The following SAMD12 variants were observed in gnomAD, a reference collection of about 807,000 sequenced individuals.
The protein encoded by SAMD12 is sterile alpha motif domain containing 12, also known as sterile alpha motif domain-containing protein 12.
A neutral mutation model predicts 15.0 loss-of-function variants in SAMD12; 9 were observed. The ratio of observed to expected loss-of-function variants is 0.60; its 90% CI spans 0.36 to 1.05. The LOEUF is 1.05. Among genes scored for constraint, SAMD12 ranks in the 50% least tolerant of loss-of-function variants. The pLI, the probability that SAMD12 is intolerant of heterozygous loss-of-function variation, is 0.01. For synonymous variants in SAMD12, 86 were observed against 90.1 expected, an observed-to-expected ratio of 0.96 and a Z score of 0.25; for missense variants, 230 against 234.2, an observed-to-expected ratio of 0.98 and a Z score of 0.12.
chr8:118,484,672 C>T (rs1177414922), intron 2 of SAMD12, among the ~76,000 whole-genome samples: 1 of 151,938 alleles, frequency 6.6e-6, no homozygotes, highest in Admixed American at 6.6e-5. Context: ...GTTGAGATTC[C>T]CTCATAAAAC....
At chr8:118,204,596 T>C (rs920357376) in intron 4 of SAMD12, among the ~76,000 whole-genome samples, 3 of 151,728 alleles carry the variant, frequency 2.0e-5, no homozygotes, top group African/African-American at 7.3e-5. Flanking sequence ...CCACTAAAAA[T>C]ACAAAAAATT....
At chr8:118,520,474 C>T (rs536457954) in intron 2 of SAMD12, among the ~76,000 whole-genome samples, 6 of 152,096 alleles carry the variant, frequency 3.9e-5, no homozygotes, top group African/African-American at 4.8e-5. Flanking sequence ...GAGGATAAAG[C>T]GGGTAAAAAA....
chr8:118,459,648 T>C (rs886572393), intron 2 of SAMD12, among the ~76,000 whole-genome samples: 4 of 152,174 alleles, frequency 2.6e-5, no homozygotes, highest in Non-Finnish European at 5.9e-5. Flanking sequence ...ACTTTTGAAT[T>C]TGTTTAGTAA....
At chr8:118,199,856 A>G (rs17484810) in intron 4 of SAMD12, among the ~76,000 whole-genome samples, 3,580 of 152,260 alleles carry the variant, frequency 0.024, 155 homozygotes, top group African/African-American at 0.082. Context: ...TTAACCCAAG[A>G]TCACACAGCT....
intron 4 of SAMD12, among the ~76,000 whole-genome samples, chr8:118,351,518 T>G: frequency 6.6e-6 from 1 of 152,102 alleles, no homozygotes; most frequent in East Asian, 1.9e-4. Context: ...TTTACCTCAT[T>G]GTGCTGTGGT....
intron 2 of SAMD12, among the ~76,000 whole-genome samples, chr8:118,502,319 A>T (rs958252483): frequency 3.3e-5 from 5 of 152,226 alleles, no homozygotes; most frequent in Admixed American, 6.5e-5. Context: ...GATCAGTGAG[A>T]CTGTTTTGAT....
chr8:118,475,160 C>T (rs1823917654), intron 2 of SAMD12, among the ~76,000 whole-genome samples: 1 of 152,034 alleles, frequency 6.6e-6, no homozygotes, highest in South Asian at 2.1e-4. Context: ...AATCACGTGA[C>T]CCTGGGAGGT....
chr8:118,530,389 G>A (rs1015023948), intron 2 of SAMD12, among the ~76,000 whole-genome samples: 9 of 152,098 alleles, frequency 5.9e-5, no homozygotes, highest in Admixed American at 4.6e-4. Context: ...CCCTCAAGTC[G>A]GCCCCAGTGT....
chr8:118,402,584 C>A (rs913347426), intron 3 of SAMD12, among the ~76,000 whole-genome samples: 3 of 152,214 alleles, frequency 2.0e-5, no homozygotes, highest in Non-Finnish European at 4.4e-5. Context: ...AACACCCCAA[C>A]CTTTTATCTA....
intron 3 of SAMD12, among the ~76,000 whole-genome samples, chr8:118,379,951 G>C (rs550385990): frequency 1.9e-4 from 29 of 152,276 alleles, no homozygotes; most frequent in African/African-American, 7.0e-4. Flanking sequence ...CATTCAGTTA[G>C]AATGTGTGAC....
chr8:118,532,405 TTG>T (rs1287021087), intron 2 of SAMD12, among the ~76,000 whole-genome samples: 2 of 151,850 alleles, frequency 1.3e-5, no homozygotes, highest in Non-Finnish European at 2.9e-5. Flanking sequence ...TCTCTTTTTT[TTG>T]TTGTGTCTCT....
intron 1 of SAMD12, among the ~76,000 whole-genome samples, chr8:118,584,265 C>T (rs186394086): frequency 3.9e-5 from 6 of 152,252 alleles, no homozygotes; most frequent in Admixed American, 1.3e-4. Context: ...ATAGACTTTG[C>T]TTTGTTTTCC....
intron 4 of SAMD12, among the ~76,000 whole-genome samples, chr8:118,300,087 A>C (rs17455176): frequency 3.9e-4 from 59 of 152,168 alleles, no homozygotes; most frequent in Non-Finnish European, 7.5e-4. Flanking sequence ...CACAGTGATG[A>C]TGCAATACAT....
chr8:118,169,790 C>T, the SAMD12 span, among the ~76,000 whole-genome samples: 2 of 152,182 alleles, frequency 1.3e-5, no homozygotes, highest in African/African-American at 4.8e-5. Flanking sequence ...GTGCTACCTC[C>T]AGGAGTCAGC....
downstream of SAMD12, among the ~76,000 whole-genome samples, chr8:118,375,385 T>C (rs1253073110): frequency 6.6e-6 from 1 of 152,156 alleles, no homozygotes. Flanking sequence ...TGCACCACTC[T>C]CTTTACACAC....
At chr8:118,408,803 C>T (rs1821256856) in intron 3 of SAMD12, among the ~76,000 whole-genome samples, 2 of 152,164 alleles carry the variant, frequency 1.3e-5, no homozygotes, top group South Asian at 4.1e-4. Flanking sequence ...TTTGTCTTCT[C>T]TATGTGGCCT....
At chr8:118,582,892 T>C (rs112665874) in intron 1 of SAMD12, among the ~76,000 whole-genome samples, 1 of 150,796 alleles carries the variant, frequency 6.6e-6, no homozygotes, top group Non-Finnish European at 1.5e-5. Flanking sequence ...GGTAGTTTCA[T>C]CAAGCACTGT....
intron 4 of SAMD12, among the ~76,000 whole-genome samples, chr8:118,262,102 T>A (rs576578656): frequency 6.6e-6 from 1 of 152,152 alleles, no homozygotes; most frequent in South Asian, 2.1e-4. Context: ...GTGTACTGAC[T>A]CAGAAGTCAC....
At chr8:118,148,639 C>T in the SAMD12 span, among the ~76,000 whole-genome samples, 1 of 152,144 alleles carries the variant, frequency 6.6e-6, no homozygotes, top group Admixed American at 6.5e-5. Context: ...TAGAATATTT[C>T]CATCATCTTC....
Sources: gnomAD v4.1 joint callset for allele counts (sites outside exome capture counted in the v4.1 genomes callset) on GRCh38, gnomAD v4.1.1 for gene constraint, MANE v1.5 for transcripts, NCBI Gene and HGNC (gene_info 2026-07-23, HGNC 2026-07-21) for gene names.